The following FABP3 variants were observed in gnomAD, a reference collection of about 807,000 sequenced individuals.
FABP3 encodes fatty acid-binding protein, heart.
A neutral mutation model predicts 13.4 loss-of-function variants in FABP3; 8 were observed. The ratio of observed to expected loss-of-function variants is 0.60; its 90% CI spans 0.35 to 1.07. The LOEUF (loss-of-function observed/expected upper bound fraction) is 1.07, where lower values mean the gene tolerates loss of function less well. FABP3 is among the 50% of genes least tolerant of loss of function. The pLI, the probability that FABP3 is intolerant of heterozygous loss-of-function variation, is 0.02. For missense variants in FABP3, 135 were observed against 164.7 expected (o/e 0.82, Z 0.99); for synonymous variants, 64 against 60.0 (o/e 1.07, Z -0.31).
At chr1:31,371,912 C>T (rs563236283) in intron 1 of FABP3, among the ~76,000 whole-genome samples, 8 of 152,298 alleles carry the variant, frequency 5.3e-5, no homozygotes, top group East Asian at 3.9e-4. Context: ...TCTTCCCACT[C>T]GCAGGGCCTG....
intron 2 of FABP3, chr1:31,369,101 T>G: frequency 5.4e-6 from 2 of 367,576 alleles, no homozygotes; most frequent in Non-Finnish European, 9.9e-6. Flanking sequence ...GGAGCTGGAG[T>G]AGATACTGAG....
chr1:31,362,584 A>C (rs1252381379), downstream of FABP3, among the ~76,000 whole-genome samples: 1 of 152,110 alleles, frequency 6.6e-6, no homozygotes, highest in Non-Finnish European at 1.5e-5. Context: ...TTTCTTTATG[A>C]GTATAATCTT....
chr1:31,365,854 G>T lies in FABP3; in HGVS notation c.*32C>A. On this transcript the variant is annotated 3_prime_UTR_variant, in exon 4 of 4. Transcript: ENST00000373713. ...TGCTGAGTCGAGGGGTAGCCGATTG[G>T]CAGAGTAGTAGTCAGCAACAGTGCA... 6.2e-7 allele frequency: 1 copy of T among 1,606,698 alleles called. No individual in the cohort carries two copies. The highest frequency in any genetic ancestry group is 8.5e-7 in the Non-Finnish European group (1 of 1,173,288).
chr1:31,365,891 C>G lies in FABP3; in HGVS notation c.397G>C (p.Ala133Pro), dbSNP rs1433973296. The change falls in exon 4 of 4, where the codon GCA becomes CCA. Residue 133 changes from alanine to proline, a missense_variant. Transcript: ENST00000373713. ...TCAGCAACAGTGCAGTCAGGTCATG[C>G]CTCTTTCTCATAAGTGCGAGTGCAA... ...AVCTRTYEKEA is the reference protein window; with the variant it reads ...AVCTRTYEKEP 5.0e-6 allele frequency: 8 copies of G among 1,613,866 alleles called. No homozygotes were observed. Among genetic ancestry groups the G allele is most frequent in the African/African-American group, 1.3e-5 (1 of 74,926 alleles).
At chr1:31,369,626 A>G in intron 1 of FABP3, 69 bp from the exon 2 acceptor site, 1 of 1,462,484 alleles carries the variant, frequency 6.8e-7, no homozygotes, top group South Asian at 1.2e-5. Flanking sequence ...AAACTCAATG[A>G]ATAACTCTCA....
chr1:31,369,822 A>G (rs1453262851), intron 1 of FABP3, among the ~76,000 whole-genome samples: 1 of 152,192 alleles, frequency 6.6e-6, no homozygotes, highest in Admixed American at 6.5e-5. Context: ...ATAAGCTACT[A>G]TTGGGCCAAG....
In FABP3 at chr1:31,365,711, A is replaced by AG; in HGVS notation, c.*174_*175insC. On this transcript the variant is annotated 3_prime_UTR_variant, in exon 4 of 4. Coordinates refer to ENST00000373713, the MANE Select transcript of FABP3 (RefSeq NM_004102.5). ...GCACCCTATGAGTGCAGTTAAAAAA[A>AG]AAAAAAAAAAACCACATACACCATG... 1.7e-6 allele frequency: 1 copy of AG among 601,812 alleles called. No individual in the cohort carries two copies. Among genetic ancestry groups the AG allele is most frequent in the Non-Finnish European group, 2.9e-6 (1 of 345,270 alleles). The allele number at this position is 601,812 out of a possible 1,614,324, so 37.3% of individuals were successfully genotyped here. A position where few individuals can be genotyped will look rare whatever the true frequency, so the allele number is the denominator to read the frequency against.
At chr1:31,360,424 C>T (rs1371231780), downstream of FABP3, among the ~76,000 whole-genome samples, 2 of 152,244 alleles carry the variant, frequency 1.3e-5, no homozygotes, top group East Asian at 1.9e-4. Context: ...CCACCTTGGC[C>T]TCCCAAAGTG....
At chr1:31,369,631 C>G in intron 1 of FABP3, 74 bp from the exon 2 acceptor site, 1 of 1,424,488 alleles carries the variant, frequency 7.0e-7, no homozygotes, top group Non-Finnish European at 9.7e-7. Flanking sequence ...CAATGAATAA[C>G]TCTCAGGCCT....
Position 31,365,763 on chromosome 1 carries a change from G to T in FABP3, c.*123C>A. On this transcript the variant is annotated 3_prime_UTR_variant, in exon 4 of 4. Coordinates refer to ENST00000373713, the MANE Select transcript of FABP3 (RefSeq NM_004102.5). The stretch of plus-strand genomic sequence containing the variant: ...GAACTGGAACTGGATCCCGGTCAGT[G>T]GCACCTGACCCCAGAAGAATTCGTG... 1.1e-6 allele frequency: 1 copy of T among 873,520 alleles called. No homozygotes were observed. Among genetic ancestry groups the T allele is most frequent in the Non-Finnish European group, 1.9e-6 (1 of 534,464 alleles). The allele number at this position is 873,520 out of a possible 1,614,324, so 54.1% of individuals were successfully genotyped here.
downstream of FABP3, among the ~76,000 whole-genome samples, chr1:31,362,463 G>A (rs1639944200): frequency 6.6e-6 from 1 of 152,138 alleles, no homozygotes; most frequent in African/African-American, 2.4e-5. Context: ...TGCTCATACT[G>A]CCCCATTAGA....
chr1:31,365,906 T>C lies in FABP3; in HGVS notation c.382A>G (p.Thr128Ala). 1 of 1,613,956 alleles carries C rather than the reference T, an allele frequency of 6.2e-7. No homozygotes were observed. ...LTHGTAVCTR[T>A]YEKEA ...TCAGGTCATGCCTCTTTCTCATAAG[T>C]GCGAGTGCAAACTGCAGTGCCGTGG... Residue 128 changes from threonine (T) to alanine (A), a missense_variant, in exon 4 of 4, where the codon ACT becomes GCT. Physicochemically the swap from Thr to Ala is moderately conservative, Grantham distance 58 (BLOSUM62 0). Coordinates refer to ENST00000373713, the MANE Select transcript of FABP3 (RefSeq NM_004102.5).
At chr1:31,361,188 T>G (rs1342021117), downstream of FABP3, among the ~76,000 whole-genome samples, 3 of 152,172 alleles carry the variant, frequency 2.0e-5, no homozygotes, top group Non-Finnish European at 2.9e-5. Context: ...TTGTTATAGC[T>G]CGGTAATGTG....
At chr1:31,364,306 C>T, downstream of FABP3, 1 of 1,438,636 alleles carries the variant, frequency 7.0e-7, no homozygotes, top group Non-Finnish European at 9.2e-7. Flanking sequence ...ATTAACTTCG[C>T]TCCCATGGGA....
downstream of FABP3, among the ~76,000 whole-genome samples, chr1:31,361,716 A>G (rs1569952149): frequency 6.6e-6 from 1 of 152,196 alleles, no homozygotes; most frequent in South Asian, 2.1e-4. Flanking sequence ...GTGGCTTTCA[A>G]CTTGTCCAAG....
chr1:31,367,083 A>G (rs1439674803), intron 3 of FABP3, among the ~76,000 whole-genome samples: 2 of 152,254 alleles, frequency 1.3e-5, no homozygotes, highest in East Asian at 3.8e-4. Context: ...TGCTGTGCAT[A>G]CACTGTCTCT....
At chr1:31,367,554 G>T (rs1412012625) in intron 2 of FABP3, 60 bp from the exon 3 acceptor site, 6 of 1,440,936 alleles carry the variant, frequency 4.2e-6, no homozygotes, top group Non-Finnish European at 5.9e-6. Context: ...GGGGCAGGGT[G>T]GGGTCTGGAC....
In FABP3 at chr1:31,365,705, A is replaced by T. The variant is rs1291746781; in HGVS notation, c.*181T>A. 3 of 74,618 alleles carry T rather than the reference A, an allele frequency of 4.0e-5. No individual in the cohort carries two copies. Among genetic ancestry groups the T allele is most frequent in the East Asian group, 4.8e-4 (2 of 4,136 alleles). The allele number at this position is 74,618 out of a possible 1,614,324, so 4.6% of individuals were successfully genotyped here. A position where few individuals can be genotyped will look rare whatever the true frequency, so the allele number is the denominator to read the frequency against. On this transcript the variant is annotated 3_prime_UTR_variant, in exon 4 of 4. Transcript: ENST00000373713. ...CTCAGAGCACCCTATGAGTGCAGTT[A>T]AAAAAAAAAAAAAAAAACCACATAC... is the stretch of plus-strand genomic sequence containing the variant.
chr1:31,367,679 C>T (rs919386016), intron 2 of FABP3, among the ~76,000 whole-genome samples, 185 bp from the exon 3 acceptor site: 33 of 152,234 alleles, frequency 2.2e-4, no homozygotes, highest in Admixed American at 2.1e-3. Context: ...CCTCCAGCCT[C>T]TGCTCCACTA....
Sources: allele counts gnomAD v4.1 joint callset (sites outside exome capture counted in the v4.1 genomes callset), GRCh38; gene constraint gnomAD v4.1.1; transcripts MANE v1.5; gene names NCBI Gene and HGNC (gene_info 2026-07-23, HGNC 2026-07-21).